Variants in SLC24A2 observed in about 807,000 individuals in gnomAD.
SLC24A2 encodes the protein sodium/potassium/calcium exchanger 2.
A neutral mutation model predicts 62.0 loss-of-function variants in SLC24A2; 36 were observed. That is an observed-to-expected ratio of 0.58 (90% CI 0.44 to 0.77). SLC24A2 has a LOEUF of 0.77. Ranked by LOEUF, SLC24A2 falls within the 30% of genes least tolerant of loss-of-function variation. The pLI, the probability that SLC24A2 is intolerant of heterozygous loss-of-function variation, is 0.00. For synonymous variants in SLC24A2, 358 were observed against 294.0 expected, an observed-to-expected ratio of 1.22 and a Z score of -2.23; for missense variants, 846 against 817.9, an observed-to-expected ratio of 1.03 and a Z score of -0.42.
chr9:19,808,430 GT>G, the SLC24A2 span, among the ~76,000 whole-genome samples: 2 of 152,174 alleles, frequency 1.3e-5, no homozygotes, highest in African/African-American at 4.8e-5. The surrounding 1 kb of genome is among the most constrained non-coding windows in gnomAD (Gnocchi z 4.1). Flanking sequence ...CAGTTAACAA[GT>G]TTAAGAACAA....
intron 2 of SLC24A2, among the ~76,000 whole-genome samples, chr9:19,655,146 T>C (rs1040412493): frequency 6.6e-5 from 10 of 152,234 alleles, no homozygotes; most frequent in African/African-American, 2.4e-4. Context: ...CTGTCTCAAA[T>C]TCAGAAGTAT....
At chr9:20,159,208 G>A in the SLC24A2 span, among the ~76,000 whole-genome samples, 17 of 151,542 alleles carry the variant, frequency 1.1e-4, no homozygotes, top group Admixed American at 2.6e-4. Flanking sequence ...TCATACACAC[G>A]AACCATTCCT....
At chr9:19,995,165 C>T in the SLC24A2 span, among the ~76,000 whole-genome samples, 1 of 151,304 alleles carries the variant, frequency 6.6e-6, no homozygotes, top group African/African-American at 2.4e-5. Context: ...GGTACATAAA[C>T]TTGCAACAAA....
chr9:19,854,544 C>T, the SLC24A2 span, among the ~76,000 whole-genome samples: 3,021 of 152,216 alleles, frequency 0.02, 40 homozygotes, highest in South Asian at 0.044. Flanking sequence ...GCCTTAATTT[C>T]ATTATTTACC....
the SLC24A2 span, among the ~76,000 whole-genome samples, chr9:20,276,622 G>A: frequency 1.3e-5 from 2 of 152,220 alleles, no homozygotes; most frequent in African/African-American, 2.4e-5. Context: ...TGGGGATTCT[G>A]TGTAGGGGCT....
the SLC24A2 span, among the ~76,000 whole-genome samples, chr9:19,955,845 T>TA: frequency 1.6e-4 from 25 of 152,148 alleles, no homozygotes; most frequent in African/African-American, 5.5e-4. Flanking sequence ...CTTCTTTTCT[T>TA]AAAAAAAACT....
In SLC24A2 at chr9:19,515,965, G is replaced by C; in HGVS notation, c.*188C>G. On this transcript the variant is annotated 3_prime_UTR_variant, in exon 11 of 11. Coordinates refer to ENST00000341998, the MANE Select transcript of SLC24A2 (RefSeq NM_020344.4). ...CTTTTACATGAAGTCATTTCAGTAG[G>C]CAGGGTGGAAGCAGCCTGTGAAGTG... The C allele has an allele frequency of 2.8e-6, 2 of 718,952 alleles. No individual in the cohort carries two copies. The highest frequency in any genetic ancestry group is 4.9e-6 in the Non-Finnish European group (2 of 409,886). 44.5% of individuals were successfully genotyped at this position (718,952 alleles called of 1,614,324 possible). A position where few individuals can be genotyped will look rare whatever the true frequency, so the allele number is the denominator to read the frequency against.
chr9:20,306,397 T>C, the SLC24A2 span, among the ~76,000 whole-genome samples: 2 of 152,206 alleles, frequency 1.3e-5, no homozygotes, highest in African/African-American at 4.8e-5. Flanking sequence ...CACAGGCAAA[T>C]GTAAGATGCT....
the SLC24A2 span, among the ~76,000 whole-genome samples, chr9:20,034,751 AG>A: frequency 6.6e-6 from 1 of 152,192 alleles, no homozygotes; most frequent in African/African-American, 2.4e-5. Context: ...TACAGGCGTG[AG>A]CCACCGCGCC....
intron 9 of SLC24A2, among the ~76,000 whole-genome samples, chr9:19,523,723 A>G (rs1833303740): frequency 6.6e-6 from 1 of 152,242 alleles, no homozygotes; most frequent in African/African-American, 2.4e-5. Context: ...TTGGCCTCCT[A>G]AAGTGCTGGG....
At chr9:20,207,722 G>A in the SLC24A2 span, among the ~76,000 whole-genome samples, 4 of 152,174 alleles carry the variant, frequency 2.6e-5, no homozygotes, top group Non-Finnish European at 5.9e-5. Flanking sequence ...AAGTCACCCA[G>A]GGCCATTCAA....
intron 7 of SLC24A2, among the ~76,000 whole-genome samples, chr9:19,573,122 G>C (rs1835886591): frequency 6.6e-6 from 1 of 152,132 alleles, no homozygotes; most frequent in Non-Finnish European, 1.5e-5. Flanking sequence ...ACCTCACCTG[G>C]AGAAACAGTG....
chr9:19,689,472 G>C (rs1188029527), intron 2 of SLC24A2, among the ~76,000 whole-genome samples: 1 of 152,180 alleles, frequency 6.6e-6, no homozygotes, highest in Non-Finnish European at 1.5e-5. Flanking sequence ...CTTTCAACAT[G>C]TCTGACTAAT....
the SLC24A2 span, among the ~76,000 whole-genome samples, chr9:20,235,201 T>A: frequency 6.6e-6 from 1 of 152,194 alleles, no homozygotes; most frequent in Non-Finnish European, 1.5e-5. Context: ...GCAGTCTGCC[T>A]GTTCTCAGAT....
the SLC24A2 span, among the ~76,000 whole-genome samples, chr9:19,797,503 A>G: frequency 6.6e-6 from 1 of 152,224 alleles, no homozygotes. Context: ...CGACCTGCCA[A>G]GTAGAGGTCT....
the SLC24A2 span, among the ~76,000 whole-genome samples, chr9:19,963,084 C>G: frequency 2.0e-5 from 3 of 152,104 alleles, no homozygotes; most frequent in South Asian, 2.1e-4. Flanking sequence ...ACTATCTGAT[C>G]TTTGACAAAC....
the SLC24A2 span, among the ~76,000 whole-genome samples, chr9:19,987,602 G>C: frequency 1.3e-5 from 2 of 152,182 alleles, no homozygotes; most frequent in East Asian, 3.9e-4. Context: ...TTGGCTCCTT[G>C]GTCTCCTGAG....
chr9:19,672,037 T>C (rs1469293988), intron 2 of SLC24A2, among the ~76,000 whole-genome samples: 1 of 146,172 alleles, frequency 6.8e-6, no homozygotes, highest in Non-Finnish European at 1.5e-5. Context: ...CGTCCTTTCC[T>C]GGCTTTGGTA....
the SLC24A2 span, among the ~76,000 whole-genome samples, chr9:20,017,952 C>G: frequency 6.6e-6 from 1 of 152,210 alleles, no homozygotes; most frequent in African/African-American, 2.4e-5. Flanking sequence ...TACTTTGCAT[C>G]CTTTTCTTTT....
Sources: gnomAD v4.1 joint callset for allele counts (sites outside exome capture counted in the v4.1 genomes callset) on GRCh38, gnomAD v4.1.1 for gene constraint, Gnocchi (gnomAD v3.1) non-coding constraint, MANE v1.5 for transcripts, NCBI Gene and HGNC (gene_info 2026-07-23, HGNC 2026-07-21) for gene names.